Variants in ANKHD1 observed in about 807,000 individuals in gnomAD.
ANKHD1 encodes ankyrin repeat and KH domain containing 1.
A neutral mutation model predicts 230.5 loss-of-function variants in ANKHD1; 31 were observed. That is an observed-to-expected ratio of 0.13 (90% confidence interval 0.10 to 0.18). ANKHD1 has a LOEUF of 0.18. Among genes scored for constraint, ANKHD1 ranks in the 10% least tolerant of loss-of-function variants. The pLI is 1.00. For synonymous variants in ANKHD1, 1,074 were observed against 1,117.6 expected (o/e 0.96, Z 0.78); for missense variants, 2,256 against 3,071.3 (o/e 0.73, Z 6.27).
Position 140,527,060 on chromosome 5 carries a change from A to G in ANKHD1, c.5073A>G (p.Lys1691=). 6.2e-7 allele frequency: 1 copy of G among 1,612,762 alleles called. No homozygotes were observed. The highest frequency in any genetic ancestry group is 8.5e-7 in the Non-Finnish European group (1 of 1,179,528). The change falls in exon 27 of 34, where the codon AAA becomes AAG. Residue 1691 remains lysine (K), a synonymous_variant. Coordinates refer to ENST00000360839, the MANE Select transcript of ANKHD1 (RefSeq NM_017747.3). This position sits in a 1 kb window ranked among gnomAD's most constrained non-coding sequence, Gnocchi z 4.5. ...KRGQKREEGW[K]EVVRRSKKLS... ...GTCAGAAAAGAGAAGAAGGGTGGAA[A>G]GAAGTTGTACGAAGGTAAATAGAAT...
In ANKHD1 at chr5:140,505,880, G is replaced by C; in HGVS notation, c.3408+11G>C. 1 of 1,558,006 alleles carries C rather than the reference G, an allele frequency of 6.4e-7. No individual in the cohort carries two copies. The highest frequency in any genetic ancestry group is 8.6e-7 in the Non-Finnish European group (1 of 1,159,118). On this transcript the variant is annotated intron_variant, in intron 18 of 33. Transcript: ENST00000360839. The stretch of plus-strand genomic sequence containing the variant: ...GGTGGACGTCAGGAGGTGTGTTAAT[G>C]TTAATTTTCATTTTGTAAATATTTT...
chr5:140,432,932 G>C (rs904094599), intron 1 of ANKHD1, among the ~76,000 whole-genome samples: 9 of 151,888 alleles, frequency 5.9e-5, no homozygotes, highest in African/African-American at 2.2e-4. Flanking sequence ...TAAACTCCTG[G>C]CCTCAAATGA....
At chr5:140,467,526 A>C (rs1423350025) in intron 10 of ANKHD1, among the ~76,000 whole-genome samples, 3 of 152,208 alleles carry the variant, frequency 2.0e-5, no homozygotes, top group Non-Finnish European at 4.4e-5. Flanking sequence ...GCTGCAGTGC[A>C]CAATGAGCAT....
At chr5:140,402,826 A>T (rs550622841) in intron 1 of ANKHD1, among the ~76,000 whole-genome samples, 1 of 150,744 alleles carries the variant, frequency 6.6e-6, no homozygotes, top group African/African-American at 2.4e-5. Flanking sequence ...AAATCACGTG[A>T]CTCCTCCTTC....
intron 4 of ANKHD1, among the ~76,000 whole-genome samples, 176 bp downstream of exon 4, chr5:140,440,442 C>T (rs1246800114): frequency 2.6e-5 from 4 of 152,128 alleles, no homozygotes; most frequent in Admixed American, 1.3e-4. Flanking sequence ...ATTTTGTTGC[C>T]GGTACATGTA....
chr5:140,402,964 C>CTT (rs56939861), intron 1 of ANKHD1, among the ~76,000 whole-genome samples: 1,011 of 73,950 alleles, frequency 0.014, 145 homozygotes, highest in African/African-American at 0.036. Flanking sequence ...GAAACCTCTT[C>CTT]TTTTTTTTTT....
intron 14 of ANKHD1, among the ~76,000 whole-genome samples, chr5:140,492,868 T>G (rs1581333792): frequency 6.6e-6 from 1 of 152,298 alleles, no homozygotes; most frequent in Admixed American, 6.5e-5. Context: ...CTCAATCCAA[T>G]AAAAAACTAA....
At chr5:140,520,255 C>G (rs1164315596) in intron 24 of ANKHD1, among the ~76,000 whole-genome samples, 1 of 151,978 alleles carries the variant, frequency 6.6e-6, no homozygotes, top group Non-Finnish European at 1.5e-5. Flanking sequence ...GTTAGAATGG[C>G]GATCATTAAA....
chr5:140,411,747 C>G (rs1770943102), intron 1 of ANKHD1, among the ~76,000 whole-genome samples: 1 of 151,774 alleles, frequency 6.6e-6, no homozygotes, highest in African/African-American at 2.4e-5. Context: ...TGGTCTCGAA[C>G]TCCTGACCTC....
chr5:140,485,829 TTATTCTCTGTTACA>T lies in ANKHD1; in HGVS notation c.2142+102_2142+115del. On this transcript the variant is annotated intron_variant, in intron 13 of 33. Transcript: ENST00000360839. This position sits in a 1 kb window ranked among gnomAD's most constrained non-coding sequence, Gnocchi z 4.8. ...AGTTTTAAGCAAAATGGACTTGTTT[TTATTCTCTGTTACA>T]TATTGAGAAAATCATGACTCTAAAT... 1 of 1,493,000 alleles carries T rather than the reference TTATTCTCTGTTACA, an allele frequency of 6.7e-7. No individual in the cohort carries two copies. Among genetic ancestry groups the T allele is most frequent in the Non-Finnish European group, 9.0e-7 (1 of 1,107,276 alleles). The allele number at this position is 1,493,000 out of a possible 1,614,324, so 92.5% of individuals were successfully genotyped here.
At chr5:140,518,557 G>A (rs961825737) in intron 24 of ANKHD1, among the ~76,000 whole-genome samples, 32 of 151,580 alleles carry the variant, frequency 2.1e-4, no homozygotes, top group South Asian at 1.1e-3. Context: ...CTGGCAAACC[G>A]AATCCAGCAG....
chr5:140,482,561 T>C lies in ANKHD1; in HGVS notation c.1783-19T>C. 1 of 1,609,486 alleles carries C rather than the reference T, an allele frequency of 6.2e-7. No individual in the cohort carries two copies. Among genetic ancestry groups the C allele is most frequent in the Non-Finnish European group, 8.5e-7 (1 of 1,178,644 alleles). On this transcript the variant is annotated intron_variant, in intron 10 of 33. Transcript: ENST00000360839. Reference sequence around the variant, plus strand: ...AGACTGTTGGCATTGATGGATTATTTTTTCCATTTCTTTAACAGGAACATG... The same window carrying C: ...AGACTGTTGGCATTGATGGATTATTCTTTCCATTTCTTTAACAGGAACATG...
At chr5:140,408,954 G>A (rs145958509) in intron 1 of ANKHD1, among the ~76,000 whole-genome samples, 63 of 152,252 alleles carry the variant, frequency 4.1e-4, no homozygotes, top group African/African-American at 1.4e-3. Context: ...TTGGGACAGA[G>A]AATTCTTTGT....
chr5:140,508,093 A>C, intron 20 of ANKHD1, 95 bp downstream of exon 20: 3 of 1,429,896 alleles, frequency 2.1e-6, no homozygotes, highest in Non-Finnish European at 9.3e-7. Flanking sequence ...TTAAATTATC[A>C]TAAATTAAAA....
At chr5:140,493,305 T>C (rs1273706592) in intron 14 of ANKHD1, among the ~76,000 whole-genome samples, 1 of 152,206 alleles carries the variant, frequency 6.6e-6, no homozygotes, top group Non-Finnish European at 1.5e-5. Flanking sequence ...CCTCAGGTGA[T>C]CCACCCGTCT....
At position 140,535,427 on chromosome 5, in the gene ANKHD1, T is replaced by G; in HGVS notation, c.6916T>G (p.Ser2306Ala). The G allele has an allele frequency of 6.2e-7, 1 of 1,613,858 alleles. No homozygotes were observed. Among genetic ancestry groups the G allele is most frequent in the Non-Finnish European group, 8.5e-7 (1 of 1,179,896 alleles). Residue 2306 changes from serine to alanine, a missense_variant, in exon 30 of 34, where the codon TCC becomes GCC. Physicochemically the swap from Ser to Ala is moderately conservative, Grantham distance 99 (BLOSUM62 1). This residue lies in a region of ANKHD1 where 778 missense variants were observed against 966.5 expected (regional missense o/e 0.80). Transcript: ENST00000360839. ...CTCTTCTGCTCCTCTGGCAAGTTTT[T>G]CCGGCATACCAGGAACAAGGGTTTT... ...SSSSAPLASF[S>A]GIPGTRVFLQ...
At position 140,538,949 on chromosome 5, in the gene ANKHD1, A is replaced by C; in HGVS notation, c.7435A>C (p.Ile2479Leu). 6.2e-7 allele frequency: 1 copy of C among 1,604,352 alleles called. No homozygotes were observed. The highest frequency in any genetic ancestry group is 8.5e-7 in the Non-Finnish European group (1 of 1,175,656). ...GCCAATTTCCATGTATGGAGGCACC[A>C]TAATACCCTCTCATCCTCAGCTTGC... is the stretch of plus-strand genomic sequence containing the variant. ...GLPISMYGGTIIPSHPQLADV... is the reference protein window; with the variant it reads ...GLPISMYGGTLIPSHPQLADV... The change falls in exon 33 of 34, where the codon ATA becomes CTA. Residue 2479 changes from isoleucine (I) to leucine (L), a missense_variant. Transcript: ENST00000360839.
At position 140,485,540 on chromosome 5, in the gene ANKHD1, G is replaced by A; in HGVS notation, c.1999-49G>A. ...TTAAATGAGTTTTGATTTTATATGAGCTGCTAAGAAACTATAAAGAATTAA... is the reference window on the plus strand; with the variant it reads ...TTAAATGAGTTTTGATTTTATATGAACTGCTAAGAAACTATAAAGAATTAA... On this transcript the variant is annotated intron_variant, in intron 12 of 33. Coordinates refer to ENST00000360839, the MANE Select transcript of ANKHD1 (RefSeq NM_017747.3). The surrounding 1 kb of genome is among the most constrained non-coding windows in gnomAD (Gnocchi z 4.8). 6 of 1,602,964 alleles carry A rather than the reference G, an allele frequency of 3.7e-6. No individual in the cohort carries two copies. Among genetic ancestry groups the A allele is most frequent in the East Asian group, 2.2e-5 (1 of 44,686 alleles).
intron 14 of ANKHD1, among the ~76,000 whole-genome samples, chr5:140,489,273 C>T (rs563813255): frequency 2.0e-5 from 3 of 151,800 alleles, no homozygotes; most frequent in Admixed American, 6.6e-5. Flanking sequence ...TTTGGGAGGC[C>T]GAGGCAGAAT....
Sources: allele counts gnomAD v4.1 joint callset (sites outside exome capture counted in the v4.1 genomes callset), GRCh38; gene constraint gnomAD v4.1.1; regional missense constraint gnomAD v4.1.1; non-coding constraint Gnocchi (gnomAD v3.1); transcripts MANE v1.5; gene names NCBI Gene and HGNC (gene_info 2026-07-23, HGNC 2026-07-21).